DYNC2H1: variants seen among roughly 807,000 people sequenced by gnomAD.
The protein encoded by DYNC2H1 is dynein cytoplasmic 2 heavy chain 1.
In DYNC2H1, 410 loss-of-function variants were observed where a neutral mutation model predicts 570.0. That is an observed-to-expected ratio of 0.72 (90% CI 0.66 to 0.78). The LOEUF is 0.78. Ranked by LOEUF, DYNC2H1 falls within the 30% of genes least tolerant of loss-of-function variation. DYNC2H1 has a pLI of 0.00. For synonymous variants in DYNC2H1, 1,688 were observed against 1,677.6 expected, an observed-to-expected ratio of 1.01 and a Z score of -0.15; for missense variants, 4,865 against 5,046.4, an observed-to-expected ratio of 0.96 and a Z score of 1.09.
intron 59 of DYNC2H1, among the ~76,000 whole-genome samples, chr11:103,226,352 T>A (rs1297292082): frequency 6.6e-6 from 1 of 152,236 alleles, no homozygotes; most frequent in Non-Finnish European, 1.5e-5. Flanking sequence ...GCTGTGGGTT[T>A]GCCATAGATG....
intron 75 of DYNC2H1, among the ~76,000 whole-genome samples, chr11:103,292,233 CT>C (rs561644043): frequency 9.5e-5 from 14 of 147,918 alleles, no homozygotes; most frequent in Middle Eastern, 3.5e-3. Flanking sequence ...TAACTTCTTG[CT>C]TTTTTTTATG....
chr11:103,463,892 C>G (rs1164435038), intron 87 of DYNC2H1, among the ~76,000 whole-genome samples: 1 of 152,168 alleles, frequency 6.6e-6, no homozygotes, highest in Non-Finnish European at 1.5e-5. Flanking sequence ...TACCTATCCA[C>G]GAGATCTGCA....
Position 103,465,166 on chromosome 11 carries a change from G to A in DYNC2H1, c.12649-3423G>A, listed in dbSNP as rs188766. 0.52 allele frequency among the ~76,000 whole-genome samples: 79,090 copies of A among 151,854 alleles called. 22,421 individuals carry two copies. Among genetic ancestry groups the A allele is most frequent in the East Asian group, 0.74 (3,803 of 5,152 alleles). On this transcript the variant is annotated intron_variant, in intron 87 of 88. Transcript: ENST00000375735. This position sits in a 1 kb window ranked among gnomAD's most constrained non-coding sequence, Gnocchi z 4.9. The stretch of plus-strand genomic sequence containing the variant: ...AGGTAAAGAGAAAAAAATATAAAAT[G>A]GGAATAATACCAAATATATGACTAT...
intron 75 of DYNC2H1, among the ~76,000 whole-genome samples, chr11:103,297,068 C>A (rs779401647): frequency 1.4e-4 from 21 of 152,032 alleles, no homozygotes; most frequent in Non-Finnish European, 2.5e-4. Context: ...TGACCTTACC[C>A]AATCCCTGGA....
In DYNC2H1 at chr11:103,226,193, A is replaced by G. The variant is rs566135614; in HGVS notation, c.9353+3107A>G. 4.6e-5 allele frequency among the ~76,000 whole-genome samples: 7 copies of G among 152,266 alleles called. No homozygotes were observed. In the East Asian group the frequency reaches 9.7e-4, roughly 21 times the overall value. On this transcript the variant is annotated intron_variant, in intron 59 of 88. Transcript: ENST00000375735. Reference sequence around the variant, plus strand: ...TTTAGCTTCCGCTTTACCAATTTGGATGCCCTTTATTTCTTTCTCTTGTCT... The same window carrying G: ...TTTAGCTTCCGCTTTACCAATTTGGGTGCCCTTTATTTCTTTCTCTTGTCT...
At position 103,241,393 on chromosome 11, in the gene DYNC2H1, T is replaced by A; in HGVS notation, c.9820-2300T>A. 1.4e-6 allele frequency: 1 copy of A among 705,248 alleles called. No homozygotes were observed. The highest frequency in any genetic ancestry group is 2.4e-6 in the Non-Finnish European group (1 of 419,142). 43.7% of individuals were successfully genotyped at this position (705,248 alleles called of 1,614,324 possible). A position where few individuals can be genotyped will look rare whatever the true frequency, so the allele number is the denominator to read the frequency against. On this transcript the variant is annotated intron_variant, in intron 63 of 88. Coordinates refer to ENST00000375735, the MANE Select transcript of DYNC2H1 (RefSeq NM_001377.3). The surrounding 1 kb of genome is among the most constrained non-coding windows in gnomAD (Gnocchi z 5.1). ...GAGATAAAATGTACCATAGAAATCT[T>A]ATCTAAATCTGTCTGGAGACGTAAA...
Position 103,155,347 on chromosome 11 carries a change from T to G in DYNC2H1, c.3590T>G (p.Leu1197Trp). 6.2e-7 allele frequency: 1 copy of G among 1,606,410 alleles called. No homozygotes were observed. Among genetic ancestry groups the G allele is most frequent in the Non-Finnish European group, 8.5e-7 (1 of 1,177,374 alleles). ...TTGTAACAGATCGTAATTCCTATCTTGAAATATGTGAGAGGGGAGCATCTT... is the reference window on the plus strand; with the variant it reads ...TTGTAACAGATCGTAATTCCTATCTGGAAATATGTGAGAGGGGAGCATCTT... The part of the protein sequence containing the change: ...VDKYKIVIPI[L>W]KYVRGEHLSP... The change falls in exon 25 of 89, where the codon TTG becomes TGG. Residue 1197 changes from leucine to tryptophan, a missense_variant. Physicochemically the swap from Leu to Trp is moderately conservative, Grantham distance 61. Coordinates refer to ENST00000375735, the MANE Select transcript of DYNC2H1 (RefSeq NM_001377.3).
chr11:103,416,676 T>G (rs990537439), intron 84 of DYNC2H1, among the ~76,000 whole-genome samples: 1 of 152,154 alleles, frequency 6.6e-6, no homozygotes, highest in Non-Finnish European at 1.5e-5. Context: ...GGTTAAAAAC[T>G]TCAATGTAAA....
intron 4 of DYNC2H1, among the ~76,000 whole-genome samples, chr11:103,115,948 G>A (rs762872245): frequency 6.6e-6 from 1 of 152,074 alleles, no homozygotes; most frequent in Non-Finnish European, 1.5e-5. Flanking sequence ...AATACTAAAA[G>A]TTTTAGTTTT....
intron 52 of DYNC2H1, among the ~76,000 whole-genome samples, chr11:103,207,222 T>G (rs1246874223): frequency 2.5e-5 from 2 of 80,902 alleles, no homozygotes; most frequent in African/African-American, 1.2e-4. Flanking sequence ...TGCCTGGGCC[T>G]GTTTTTTTTT....
chr11:103,304,897 G>A (rs1867214662), intron 77 of DYNC2H1, among the ~76,000 whole-genome samples, 177 bp downstream of exon 77: 1 of 152,034 alleles, frequency 6.6e-6, no homozygotes, highest in African/African-American at 2.4e-5. Context: ...GACATTAATA[G>A]GAAGTCTATA....
intron 11 of DYNC2H1, 107 bp downstream of exon 11, chr11:103,123,107 C>G (rs898465502): frequency 6.4e-6 from 6 of 938,054 alleles, no homozygotes; most frequent in African/African-American, 1.7e-5. Flanking sequence ...TGCTACTCCT[C>G]CTGTAATTTT....
At chr11:103,306,617 A>G (rs1302800386) in intron 77 of DYNC2H1, among the ~76,000 whole-genome samples, 1 of 152,134 alleles carries the variant, frequency 6.6e-6, no homozygotes, top group African/African-American at 2.4e-5. Flanking sequence ...TTTATCCTTT[A>G]TAATTTTAAG....
intron 83 of DYNC2H1, among the ~76,000 whole-genome samples, chr11:103,379,133 A>G (rs1267804552): frequency 2.0e-5 from 3 of 152,156 alleles, no homozygotes; most frequent in Non-Finnish European, 4.4e-5. Context: ...TAATGATGCA[A>G]TCAAGACAAT....
chr11:103,421,183 C>A (rs558832839), intron 84 of DYNC2H1, among the ~76,000 whole-genome samples: 2 of 152,042 alleles, frequency 1.3e-5, no homozygotes, highest in South Asian at 4.2e-4. Flanking sequence ...AGCTAACTAT[C>A]TCAAATAGAT....
At chr11:103,313,660 G>A (rs939863172) in intron 79 of DYNC2H1, among the ~76,000 whole-genome samples, 16 of 152,246 alleles carry the variant, frequency 1.1e-4, no homozygotes, top group Middle Eastern at 6.8e-3. Context: ...CCCCAAAAGC[G>A]TCAGTTGCCT....
chr11:103,469,046 A>G (rs1232861426), intron 88 of DYNC2H1, among the ~76,000 whole-genome samples: 1 of 152,218 alleles, frequency 6.6e-6, no homozygotes, highest in Non-Finnish European at 1.5e-5. Context: ...TGCTTTACCT[A>G]AAATCCTCCT....
chr11:103,407,090 G>A (rs948260870), intron 84 of DYNC2H1: 4 of 151,716 alleles, frequency 2.6e-5, no homozygotes, highest in African/African-American at 7.3e-5. Context: ...CCAGGGCCGG[G>A]ATTTATTTTT....
chr11:103,344,357 C>A (rs940495620), intron 82 of DYNC2H1, among the ~76,000 whole-genome samples: 8 of 152,130 alleles, frequency 5.3e-5, no homozygotes, highest in African/African-American at 1.4e-4. Context: ...AGTCACTCCC[C>A]ATCTAATTCG....
Sources: allele counts gnomAD v4.1 joint callset (sites outside exome capture counted in the v4.1 genomes callset), GRCh38; gene constraint gnomAD v4.1.1; non-coding constraint Gnocchi (gnomAD v3.1); transcripts MANE v1.5; gene names NCBI Gene and HGNC (gene_info 2026-07-23, HGNC 2026-07-21).